Variants in RBFOX1 observed in about 807,000 individuals in gnomAD.
RBFOX1 encodes RNA binding protein fox-1 homolog 1.
Under a neutral mutation model 57.7 loss-of-function variants are expected in RBFOX1, and 8 were observed. That is an observed-to-expected ratio of 0.14 (90% CI 0.08 to 0.25). The LOEUF (loss-of-function observed/expected upper bound fraction) is 0.25, where lower values mean the gene tolerates loss of function less well. Among genes scored for constraint, RBFOX1 ranks in the 10% least tolerant of loss-of-function variants. RBFOX1 has a pLI of 1.00. For missense variants in RBFOX1, 611 were observed against 548.5 expected (o/e 1.11, Z -1.14); for synonymous variants, 326 against 222.4 (o/e 1.47, Z -4.15).
At chr16:6,675,528 CT>C (rs1401147179) in intron 3 of RBFOX1, among the ~76,000 whole-genome samples, 6 of 152,156 alleles carry the variant, frequency 3.9e-5, no homozygotes, top group Admixed American at 3.9e-4. Context: ...GAACCAGGCC[CT>C]GCCACAGTAG....
upstream of RBFOX1, among the ~76,000 whole-genome samples, chr16:6,014,695 C>G (rs547106366): frequency 5.7e-4 from 87 of 152,276 alleles, 2 homozygotes; most frequent in South Asian, 0.015. Context: ...AGACTGAGAA[C>G]TTGTGGGCAA....
intron 4 of RBFOX1, among the ~76,000 whole-genome samples, chr16:7,452,637 C>T (rs146961496): frequency 6.6e-6 from 1 of 152,224 alleles, no homozygotes; most frequent in African/African-American, 2.4e-5. Flanking sequence ...TGCCAAGGAT[C>T]TAAAAAAGTG....
intron 4 of RBFOX1, among the ~76,000 whole-genome samples, chr16:7,226,911 CTG>C (rs1177302980): frequency 1.3e-5 from 2 of 152,172 alleles, no homozygotes; most frequent in Non-Finnish European, 2.9e-5. Context: ...GTATTTTCAT[CTG>C]TGTGTCTATA....
chr16:5,711,339 C>G (rs1484940591), intron 3 of RBFOX1, among the ~76,000 whole-genome samples: 2 of 152,206 alleles, frequency 1.3e-5, no homozygotes, highest in Non-Finnish European at 2.9e-5. Context: ...CAAGGTCACA[C>G]AGCTAGTAAG....
At chr16:5,597,691 A>G (rs931583554) in intron 2 of RBFOX1, among the ~76,000 whole-genome samples, 115 of 152,136 alleles carry the variant, frequency 7.6e-4, no homozygotes, top group African/African-American at 2.5e-3. Flanking sequence ...GTAGAGCTTT[A>G]GGCATTGCTG....
intron 1 of RBFOX1, among the ~76,000 whole-genome samples, chr16:5,281,294 T>G (rs542334466): frequency 1.3e-5 from 2 of 152,192 alleles, no homozygotes; most frequent in Non-Finnish European, 2.9e-5. Flanking sequence ...GAGAAGATAA[T>G]TTATGATTTT....
intron 2 of RBFOX1, among the ~76,000 whole-genome samples, chr16:6,542,571 G>T (rs1445979849): frequency 7.4e-6 from 1 of 134,610 alleles, no homozygotes; most frequent in Non-Finnish European, 1.5e-5. Context: ...CTCACTGCAA[G>T]CTCCGCCTCC....
intron 1 of RBFOX1, among the ~76,000 whole-genome samples, chr16:6,273,166 A>G (rs2075393138): frequency 1.3e-5 from 2 of 151,072 alleles, no homozygotes; most frequent in Non-Finnish European, 2.9e-5. Flanking sequence ...AGGCTGAGGC[A>G]GGAGAATGGC....
intron 3 of RBFOX1, among the ~76,000 whole-genome samples, chr16:6,958,816 G>C (rs920946423): frequency 6.6e-6 from 1 of 152,148 alleles, no homozygotes; most frequent in Non-Finnish European, 1.5e-5. Flanking sequence ...TGTCATTATG[G>C]AGATGAGGGT....
chr16:7,046,340 T>C (rs879303896), intron 3 of RBFOX1, among the ~76,000 whole-genome samples: 4 of 152,048 alleles, frequency 2.6e-5, no homozygotes, highest in Non-Finnish European at 2.9e-5. Flanking sequence ...GGTTGTGTTA[T>C]AGGGATTATC....
intron 4 of RBFOX1, among the ~76,000 whole-genome samples, chr16:7,496,994 G>T (rs918741964): frequency 7.2e-5 from 11 of 152,004 alleles, no homozygotes; most frequent in African/African-American, 2.7e-4. Flanking sequence ...GCTTTGTCAC[G>T]TCTCCCATAA....
intron 3 of RBFOX1, among the ~76,000 whole-genome samples, chr16:5,813,447 C>G (rs548652167): frequency 6.6e-6 from 1 of 152,248 alleles, no homozygotes; most frequent in South Asian, 2.1e-4. Context: ...TTTATGTGGT[C>G]TATCTATACA....
intron 2 of RBFOX1, among the ~76,000 whole-genome samples, chr16:6,527,986 T>C (rs2096604674): frequency 6.6e-6 from 1 of 152,142 alleles, no homozygotes; most frequent in African/African-American, 2.4e-5. Context: ...TGTTTCATGC[T>C]CTCCTTACCT....
chr16:7,018,491 G>C (rs963319974), intron 3 of RBFOX1, among the ~76,000 whole-genome samples: 1 of 152,120 alleles, frequency 6.6e-6, no homozygotes, highest in Non-Finnish European at 1.5e-5. Context: ...TGGACATTTG[G>C]ATTGGTTCCA....
intron 3 of RBFOX1, among the ~76,000 whole-genome samples, chr16:5,710,249 G>C (rs2051435796): frequency 6.6e-6 from 1 of 152,134 alleles, no homozygotes; most frequent in African/African-American, 2.4e-5. Flanking sequence ...GCTAATTGTG[G>C]ATCAGGTAAC....
intron 3 of RBFOX1, among the ~76,000 whole-genome samples, chr16:5,819,803 G>A (rs999259696): frequency 6.6e-6 from 1 of 152,182 alleles, no homozygotes; most frequent in African/African-American, 2.4e-5. Context: ...TTACATGCTA[G>A]ATCATGCCCT....
At chr16:6,360,176 G>C (rs1466633901) in intron 2 of RBFOX1, among the ~76,000 whole-genome samples, 1 of 151,698 alleles carries the variant, frequency 6.6e-6, no homozygotes, top group Non-Finnish European at 1.5e-5. Flanking sequence ...CCTGTACCTT[G>C]TAATGAAAAT....
At chr16:5,486,035 G>A (rs1448401562) in intron 2 of RBFOX1, among the ~76,000 whole-genome samples, 1 of 152,154 alleles carries the variant, frequency 6.6e-6, no homozygotes, top group Non-Finnish European at 1.5e-5. Context: ...CTCTCTCCCT[G>A]CTTCCCAATA....
At chr16:6,996,092 A>G (rs1268111651) in intron 3 of RBFOX1, among the ~76,000 whole-genome samples, 5 of 152,202 alleles carry the variant, frequency 3.3e-5, no homozygotes, top group Non-Finnish European at 7.3e-5. Context: ...TGATCCAAGT[A>G]TATTCCATTA....
Sources: gnomAD v4.1 joint callset for allele counts (sites outside exome capture counted in the v4.1 genomes callset) on GRCh38, gnomAD v4.1.1 for gene constraint, MANE v1.5 for transcripts, NCBI Gene and HGNC (gene_info 2026-07-23, HGNC 2026-07-21) for gene names.